PRKN: variants seen among roughly 807,000 people sequenced by gnomAD.
PRKN encodes the protein E3 ubiquitin-protein ligase parkin.
In PRKN, 56 loss-of-function variants were observed where a neutral mutation model predicts 59.5. That is an observed-to-expected ratio of 0.94 (90% confidence interval 0.76 to 1.18). The LOEUF (loss-of-function observed/expected upper bound fraction) is 1.18, where lower values mean the gene tolerates loss of function less well. Among genes scored for constraint, PRKN ranks in the 50% most tolerant of loss-of-function variants. PRKN has a pLI of 0.00. For missense variants in PRKN, 657 were observed against 596.4 expected (o/e 1.10, Z -1.06); for synonymous variants, 250 against 222.1 (o/e 1.13, Z -1.12).
At chr6:162,249,468 G>A (rs563425231) in intron 3 of PRKN, among the ~76,000 whole-genome samples, 18 of 152,244 alleles carry the variant, frequency 1.2e-4, no homozygotes, top group African/African-American at 4.3e-4. Flanking sequence ...ACGAAGCCCA[G>A]TGGACAAATC....
intron 3 of PRKN, among the ~76,000 whole-genome samples, chr6:162,212,290 C>T (rs1433536077): frequency 2.0e-5 from 3 of 152,136 alleles, no homozygotes; most frequent in African/African-American, 4.8e-5. Flanking sequence ...AGATTTGAAG[C>T]TTCTCAAGGG....
intron 9 of PRKN, among the ~76,000 whole-genome samples, chr6:161,432,250 A>G (rs1401343456): frequency 6.6e-6 from 1 of 152,152 alleles, no homozygotes; most frequent in Non-Finnish European, 1.5e-5. Context: ...ACTGTTTTTC[A>G]TAACTCATCT....
chr6:162,020,211 C>T (rs1045423080), intron 5 of PRKN, among the ~76,000 whole-genome samples: 10 of 151,656 alleles, frequency 6.6e-5, no homozygotes, highest in African/African-American at 2.2e-4. Flanking sequence ...TAGGCTCCAG[C>T]CCTGCAAATC....
intron 1 of PRKN, among the ~76,000 whole-genome samples, chr6:162,488,650 C>T (rs1440263101): frequency 6.6e-6 from 1 of 152,186 alleles, no homozygotes; most frequent in African/African-American, 2.4e-5. Context: ...GTATCACTTC[C>T]TCCTCTGTAA....
intron 9 of PRKN, among the ~76,000 whole-genome samples, chr6:161,515,903 A>C (rs1445431099): frequency 2.0e-5 from 3 of 152,268 alleles, no homozygotes; most frequent in Non-Finnish European, 4.4e-5. Flanking sequence ...GCACTGAAAA[A>C]AATTAATAAC....
At chr6:162,141,631 G>A (rs1378798905) in intron 4 of PRKN, among the ~76,000 whole-genome samples, 2 of 152,122 alleles carry the variant, frequency 1.3e-5, no homozygotes, top group African/African-American at 4.8e-5. Flanking sequence ...ATTACCCATG[G>A]CAGTCAATAT....
At chr6:161,403,082 C>A (rs1276097818) in intron 9 of PRKN, among the ~76,000 whole-genome samples, 1 of 152,094 alleles carries the variant, frequency 6.6e-6, no homozygotes, top group Non-Finnish European at 1.5e-5. Context: ...ATTTCCTGAA[C>A]TCCTGCAAAG....
chr6:162,654,834 G>T (rs1033020159), intron 1 of PRKN, among the ~76,000 whole-genome samples: 7 of 102,756 alleles, frequency 6.8e-5, no homozygotes, highest in African/African-American at 2.5e-4. Context: ...AAGGAGAAGT[G>T]CAGAGTGAAG....
intron 1 of PRKN, among the ~76,000 whole-genome samples, chr6:162,699,332 G>A (rs1381818107): frequency 6.6e-6 from 1 of 152,074 alleles, no homozygotes; most frequent in Non-Finnish European, 1.5e-5. Flanking sequence ...CTGAAATATG[G>A]GGAAAAGGCA....
Position 161,458,988 on chromosome 6 carries a change from A to G in PRKN, c.1084-72111T>C, listed in dbSNP as rs1790090392. ...TCCCTTCATCTTATCTGGAGGGAAG[A>G]CAGGAATGAAAACCATGATAGTATC... On this transcript the variant is annotated intron_variant, in intron 9 of 11. Coordinates refer to ENST00000366898, the MANE Select transcript of PRKN (RefSeq NM_004562.3). This position sits in a 1 kb window ranked among gnomAD's most constrained non-coding sequence, Gnocchi z 6.1. Among the ~76,000 whole-genome samples, 1 of 152,098 alleles carries G rather than the reference A, an allele frequency of 6.6e-6. No homozygotes were observed. Among genetic ancestry groups the G allele is most frequent in the Non-Finnish European group, 1.5e-5 (1 of 68,020 alleles).
At chr6:161,757,580 G>T (rs957631646) in intron 7 of PRKN, among the ~76,000 whole-genome samples, 1 of 152,074 alleles carries the variant, frequency 6.6e-6, no homozygotes, top group Non-Finnish European at 1.5e-5. Context: ...GCTTATGCCT[G>T]TAATCCCAGC....
At chr6:161,449,311 C>T (rs1468326167) in intron 9 of PRKN, among the ~76,000 whole-genome samples, 1 of 152,094 alleles carries the variant, frequency 6.6e-6, no homozygotes, top group Non-Finnish European at 1.5e-5. Context: ...CAACTTAAAA[C>T]ACAAGTAACT....
Position 162,709,446 on chromosome 6 carries a change from C to T in PRKN, c.7+18216G>A, listed in dbSNP as rs73024476. ...TCGCAGGTGAGAGATGAGGCAACCTCTCCCCTTGGACAAACAGCAGACTGA... is the reference window on the plus strand; with the variant it reads ...TCGCAGGTGAGAGATGAGGCAACCTTTCCCCTTGGACAAACAGCAGACTGA... On this transcript the variant is annotated intron_variant, in intron 1 of 11. Transcript: ENST00000366898. 4.7e-3 allele frequency among the ~76,000 whole-genome samples: 707 copies of T among 151,952 alleles called. 3 individuals are homozygous for T. Among genetic ancestry groups the T allele is most frequent in the Middle Eastern group, 0.017 (5 of 294 alleles).
chr6:162,501,690 A>G (rs1368220168), intron 1 of PRKN, among the ~76,000 whole-genome samples: 2 of 152,022 alleles, frequency 1.3e-5, no homozygotes, highest in African/African-American at 2.4e-5. Flanking sequence ...ACTCTGGAAT[A>G]TGTTTACAAG....
intron 1 of PRKN, among the ~76,000 whole-genome samples, chr6:162,518,961 A>C (rs2128192922): frequency 6.6e-6 from 1 of 152,288 alleles, no homozygotes; most frequent in South Asian, 2.1e-4. Flanking sequence ...TGCCTCATTT[A>C]AAACTTACTG....
At chr6:162,246,755 C>G (rs978358281) in intron 3 of PRKN, among the ~76,000 whole-genome samples, 1 of 152,152 alleles carries the variant, frequency 6.6e-6, no homozygotes, top group East Asian at 1.9e-4. Flanking sequence ...TCTCGTACTT[C>G]TCAAACTATT....
intron 2 of PRKN, among the ~76,000 whole-genome samples, chr6:162,317,610 C>A (rs572237016): frequency 3.3e-5 from 5 of 152,156 alleles, no homozygotes; most frequent in Admixed American, 6.5e-5. Flanking sequence ...CACACACTCA[C>A]TCGATTGGGG....
At position 161,467,159 on chromosome 6, in the gene PRKN, G is replaced by A. The variant is rs1436898100; in HGVS notation, c.1084-80282C>T. Among the ~76,000 whole-genome samples the A allele has an allele frequency of 5.3e-5, 8 of 152,128 alleles. No homozygotes were observed. Among genetic ancestry groups the A allele is most frequent in the African/African-American group, 1.9e-4 (8 of 41,420 alleles). ...TGCTGGGGGAGCCATTTGTGCTGAC[G>A]AATAGTTGTTTTTTTCAATGTACTG... is the stretch of plus-strand genomic sequence containing the variant. On this transcript the variant is annotated intron_variant, in intron 9 of 11. Transcript: ENST00000366898. This position sits in a 1 kb window ranked among gnomAD's most constrained non-coding sequence, Gnocchi z 4.3.
chr6:162,701,188 T>G (rs1893537), intron 1 of PRKN, among the ~76,000 whole-genome samples: 26,993 of 152,000 alleles, frequency 0.18, 3,086 homozygotes, highest in East Asian at 0.48. Flanking sequence ...TGCCAACTGC[T>G]AAGAAAACCA....
Sources: gnomAD v4.1 joint callset for allele counts (sites outside exome capture counted in the v4.1 genomes callset) on GRCh38, gnomAD v4.1.1 for gene constraint, Gnocchi (gnomAD v3.1) non-coding constraint, MANE v1.5 for transcripts, NCBI Gene and HGNC (gene_info 2026-07-23, HGNC 2026-07-21) for gene names.